PLCH1: variants seen among roughly 807,000 people sequenced by gnomAD.
PLCH1 encodes the protein 1-phosphatidylinositol 4,5-bisphosphate phosphodiesterase eta-1.
PLCH1 carries 60 observed loss-of-function variants against 126.7 expected under a neutral mutation model. The observed-to-expected ratio is 0.47, with a 90% CI of 0.38 to 0.59. The LOEUF (loss-of-function observed/expected upper bound fraction) is 0.59, where lower values mean the gene tolerates loss of function less well. Among genes scored for constraint, PLCH1 ranks in the 20% least tolerant of loss-of-function variants. The pLI is 0.00. For synonymous variants in PLCH1, 719 were observed against 734.9 expected, an observed-to-expected ratio of 0.98 and a Z score of 0.35; for missense variants, 1,723 against 2,040.0, an observed-to-expected ratio of 0.84 and a Z score of 2.99.
intron 10 of PLCH1, among the ~76,000 whole-genome samples, chr3:155,535,386 G>T (rs1304515281): frequency 6.6e-6 from 1 of 152,242 alleles, no homozygotes; most frequent in African/African-American, 2.4e-5. Flanking sequence ...GGGGAGGCTT[G>T]TAGCCTGGGG....
chr3:155,554,784 A>C (rs181424049), intron 8 of PLCH1, among the ~76,000 whole-genome samples: 44 of 152,342 alleles, frequency 2.9e-4, no homozygotes, highest in African/African-American at 1.0e-3. Flanking sequence ...TCATTTGAAG[A>C]CTTGTTTTCC....
At chr3:155,584,634 A>C (rs1454367169) in intron 5 of PLCH1, among the ~76,000 whole-genome samples, 1 of 152,262 alleles carries the variant, frequency 6.6e-6, no homozygotes, top group Non-Finnish European at 1.5e-5. Context: ...AAACAAAAAC[A>C]GACAGGGAAT....
At chr3:155,523,832 A>C in intron 11 of PLCH1, 65 bp downstream of exon 11, 1 of 895,846 alleles carries the variant, frequency 1.1e-6, no homozygotes, top group Non-Finnish European at 1.8e-6. Context: ...ACACAGTAGC[A>C]ACTTGGAACT....
chr3:155,711,180 T>C (rs1010644612), intron 1 of PLCH1, among the ~76,000 whole-genome samples: 2 of 152,008 alleles, frequency 1.3e-5, no homozygotes, highest in African/African-American at 4.8e-5. Flanking sequence ...AACAGAGCCA[T>C]GTAAGTGTGT....
intron 1 of PLCH1, among the ~76,000 whole-genome samples, chr3:155,741,104 T>C (rs1749588854): frequency 6.6e-6 from 1 of 152,206 alleles, no homozygotes; most frequent in African/African-American, 2.4e-5. Context: ...GTAAACTTCT[T>C]CACAGGCTTC....
intron 10 of PLCH1, among the ~76,000 whole-genome samples, chr3:155,538,357 C>A (rs1052657727): frequency 1.5e-4 from 23 of 151,858 alleles, no homozygotes; most frequent in African/African-American, 5.3e-4. Context: ...CAAAAACAAG[C>A]CAACCCCAAA....
At chr3:155,515,115 C>T (rs1325766285) in intron 11 of PLCH1, among the ~76,000 whole-genome samples, 1 of 152,186 alleles carries the variant, frequency 6.6e-6, no homozygotes, top group Non-Finnish European at 1.5e-5. Flanking sequence ...CTTCATGTGA[C>T]TGCATTCAGT....
At chr3:155,486,466 G>A (rs1477854516) in intron 21 of PLCH1, among the ~76,000 whole-genome samples, 2 of 151,016 alleles carry the variant, frequency 1.3e-5, no homozygotes, top group Non-Finnish European at 2.9e-5. Context: ...GAAGATGGAG[G>A]TGATATAGAA....
At position 155,500,780 on chromosome 3, in the gene PLCH1, T is replaced by A. The variant is rs1175706417; in HGVS notation, c.1719A>T (p.Ser573=). 3 of 1,612,020 alleles carry A rather than the reference T, an allele frequency of 1.9e-6. No homozygotes were observed. The highest frequency in any genetic ancestry group is 2.5e-6 in the Non-Finnish European group (3 of 1,178,342). The change falls in exon 14 of 23, where the codon TCA becomes TCT. Residue 573 remains serine, a synonymous_variant. Coordinates refer to ENST00000460012, the MANE Select transcript of PLCH1 (RefSeq NM_014996.4). ...NFGKHKKTTK[S]RSKSYSTDDE... The stretch of plus-strand genomic sequence containing the variant: ...CATCAGTACTGTAAGATTTAGACCG[T>A]GATTTTGTAGTTTTCTGCCAGAAAA...
Position 155,504,442 on chromosome 3 carries a change from C to G in PLCH1, c.1704+113G>C, listed in dbSNP as rs1444568037. 5 of 604,348 alleles carry G rather than the reference C, an allele frequency of 8.3e-6. No individual in the cohort carries two copies. In the Admixed American group the frequency reaches 1.1e-4, roughly 13 times the overall value. 37.4% of individuals were successfully genotyped at this position (604,348 alleles called of 1,614,324 possible). On this transcript the variant is annotated intron_variant, in intron 13 of 22. Coordinates refer to ENST00000460012, the MANE Select transcript of PLCH1 (RefSeq NM_014996.4). ...AAATATCAATCTTTTCCTTTGCTGA[C>G]GTGCTGGTTAAGAAATCTTCAGTTA...
At position 155,653,378 on chromosome 3, in the gene PLCH1, C is replaced by T. The variant is rs185403505; in HGVS notation, c.79+50768G>A. ...CCTTCCTCTGGTGTCCCAATTATTT[C>T]ACCTTATTGGGAGGTCCAAATCATT... On this transcript the variant is annotated intron_variant, in intron 2 of 22. Transcript: ENST00000460012. Among the ~76,000 whole-genome samples the T allele has an allele frequency of 1.5e-3, 231 of 152,222 alleles. 2 individuals are homozygous for T. The highest frequency in any genetic ancestry group is 5.2e-3 in the African/African-American group (217 of 41,538).
At chr3:155,527,820 T>C (rs1722155552) in intron 10 of PLCH1, among the ~76,000 whole-genome samples, 1 of 150,030 alleles carries the variant, frequency 6.7e-6, no homozygotes, top group African/African-American at 2.5e-5. Context: ...CTCGGGAGGC[T>C]GAGGCAGGAG....
intron 21 of PLCH1, among the ~76,000 whole-genome samples, chr3:155,459,545 G>A (rs1712634346): frequency 6.6e-6 from 1 of 152,164 alleles, no homozygotes; most frequent in Non-Finnish European, 1.5e-5. Context: ...GAGTTAAAAT[G>A]TTGGAACCTC....
intron 21 of PLCH1, among the ~76,000 whole-genome samples, chr3:155,471,688 C>A (rs1307113004): frequency 6.7e-6 from 1 of 149,066 alleles, no homozygotes; most frequent in African/African-American, 2.5e-5. Context: ...TAAAGCTCTC[C>A]TCAGCAAATG....
rs144681950 is a variant in PLCH1, at chr3:155,634,869, A to G, written c.80-38491T>C. 4.3e-4 allele frequency among the ~76,000 whole-genome samples: 66 copies of G among 152,290 alleles called. No homozygotes were observed. The East Asian group carries it at 0.012, about 27-fold the overall frequency. ...GACTGGATACCTGGGTGATTCCTAT[A>G]CTATTCTTTGACTTGGCTATACAGT... On this transcript the variant is annotated intron_variant, in intron 2 of 22. Coordinates refer to ENST00000460012, the MANE Select transcript of PLCH1 (RefSeq NM_014996.4).
chr3:155,566,278 TAC>T lies in PLCH1; in HGVS notation c.866-1162_866-1161del, dbSNP rs1377899072. ...ATATATACACATATATATACATATA[TAC>T]ATATATATACGTATATATACACATA... On this transcript the variant is annotated intron_variant, in intron 7 of 22. Transcript: ENST00000460012. Among the ~76,000 whole-genome samples the T allele has an allele frequency of 3.1e-3, 219 of 70,770 alleles. 7 individuals are homozygous for T. Among genetic ancestry groups the T allele is most frequent in the African/African-American group, 8.0e-3 (207 of 26,008 alleles). 46.4% of individuals were successfully genotyped at this position (70,770 alleles called of 152,430 possible).
At chr3:155,495,296 A>T (rs928215503) in intron 15 of PLCH1, among the ~76,000 whole-genome samples, 1 of 152,156 alleles carries the variant, frequency 6.6e-6, no homozygotes, top group Non-Finnish European at 1.5e-5. Context: ...CAGAAGCTGC[A>T]AATTTGGGGG....
rs572579379 is a variant in PLCH1 at position 155,726,049 on chromosome 3, C to T, written c.-41+18791G>A. Among the ~76,000 whole-genome samples, 5 of 152,320 alleles carry T rather than the reference C, an allele frequency of 3.3e-5. No individual in the cohort carries two copies. The South Asian group carries it at 1.0e-3, about 32-fold the overall frequency. ...AGTCTCAATAATCATTATCTCTAAT[C>T]TCTTCCCAAACTATACAAGAATTTT... On this transcript the variant is annotated intron_variant, in intron 1 of 22. Coordinates refer to ENST00000460012, the MANE Select transcript of PLCH1 (RefSeq NM_014996.4).
At position 155,535,747 on chromosome 3, in the gene PLCH1, T is replaced by C. The variant is rs376707018; in HGVS notation, c.1363-11743A>G. 3.7e-4 allele frequency among the ~76,000 whole-genome samples: 56 copies of C among 152,326 alleles called. No individual in the cohort carries two copies. The South Asian group carries it at 0.011, about 30-fold the overall frequency. ...TAATCTCTTGGGAGCTCTATGGCCC[T>C]GCCCATTGGCTGAGAAACCCAAATA... On this transcript the variant is annotated intron_variant, in intron 10 of 22. Transcript: ENST00000460012.
Sources: gnomAD v4.1 joint callset for allele counts (sites outside exome capture counted in the v4.1 genomes callset) on GRCh38, gnomAD v4.1.1 for gene constraint, MANE v1.5 for transcripts, NCBI Gene and HGNC (gene_info 2026-07-23, HGNC 2026-07-21) for gene names.